The following STK3 variants were observed in gnomAD, a reference collection of about 807,000 sequenced individuals.
The protein encoded by STK3 is serine/threonine kinase 3.
Under a neutral mutation model 58.0 loss-of-function variants are expected in STK3, and 41 were observed. That is an observed-to-expected ratio of 0.71 (90% CI 0.55 to 0.92). The LOEUF is 0.92. STK3 is among the 40% of genes least tolerant of loss of function. STK3 has a pLI of 0.00. For missense variants in STK3, 479 were observed against 602.7 expected (o/e 0.79, Z 2.15); for synonymous variants, 170 against 191.0 (o/e 0.89, Z 0.91).
chr8:98,448,855 T>C (rs755721893), intron 1 of STK3, among the ~76,000 whole-genome samples: 1 of 152,200 alleles, frequency 6.6e-6, no homozygotes, highest in African/African-American at 2.4e-5. Context: ...TTTGCTCTCA[T>C]CTTTTTTTTC....
chr8:98,806,211 GAATA>G (rs1564019319), intron 1 of STK3, among the ~76,000 whole-genome samples: 1 of 151,676 alleles, frequency 6.6e-6, no homozygotes, highest in Non-Finnish European at 1.5e-5. Flanking sequence ...ATAAATAAAT[GAATA>G]AACAAATGAA....
In STK3 at chr8:98,805,579, A is replaced by T. The variant is rs534725969; in HGVS notation, c.26+19936T>A. Among the ~76,000 whole-genome samples the T allele has an allele frequency of 1.3e-4, 19 of 151,378 alleles. No homozygotes were observed. The South Asian group carries it at 2.9e-3, about 23-fold the overall frequency. ...ACAAGAGCAAAACTCCATCTCCAAA[A>T]AATAATAATAATAATAATAATAATA... is the stretch of plus-strand genomic sequence containing the variant. On this transcript the variant is annotated intron_variant, in intron 1 of 10. Coordinates refer to ENST00000419617, the MANE Select transcript of STK3 (RefSeq NM_006281.4).
At chr8:98,718,358 G>A (rs1827173931) in intron 4 of STK3, among the ~76,000 whole-genome samples, 1 of 152,156 alleles carries the variant, frequency 6.6e-6, no homozygotes, top group Admixed American at 6.5e-5. Flanking sequence ...TGAGAGACAG[G>A]CAAGGACCAG....
intron 6 of STK3, among the ~76,000 whole-genome samples, chr8:98,614,574 G>C (rs1336464920): frequency 6.6e-6 from 1 of 152,072 alleles, no homozygotes; most frequent in African/African-American, 2.4e-5. Flanking sequence ...GGGAGTGCCA[G>C]ACAGTGGGCG....
At chr8:98,413,841 G>A (rs1020107426) in intron 3 of STK3, 15 of 560,962 alleles carry the variant, frequency 2.7e-5, no homozygotes, top group Non-Finnish European at 4.0e-5. Context: ...AGATGGGGCC[G>A]CCCAAGCCAG....
chr8:98,864,427 G>A (rs1214288018), intron 3 of STK3, among the ~76,000 whole-genome samples: 1 of 152,138 alleles, frequency 6.6e-6, no homozygotes, highest in Non-Finnish European at 1.5e-5. Context: ...ACCAGGAACT[G>A]CTTGCTATCT....
At chr8:98,720,746 G>C (rs1005433544) in intron 4 of STK3, among the ~76,000 whole-genome samples, 2 of 111,806 alleles carry the variant, frequency 1.8e-5, no homozygotes, top group African/African-American at 7.2e-5. Context: ...GCGAGACTCC[G>C]TCTCAAAAAA....
intron 6 of STK3, among the ~76,000 whole-genome samples, chr8:98,694,658 T>C (rs551188733): frequency 6.6e-6 from 1 of 152,332 alleles, no homozygotes; most frequent in East Asian, 1.9e-4. Context: ...ACTTCATCCA[T>C]GTCCCTACAA....
At chr8:98,905,235 C>A in intron 1 of STK3, 1 of 854,626 alleles carries the variant, frequency 1.2e-6, no homozygotes. Context: ...TGGACAACTA[C>A]ACATGCATTA....
At chr8:98,503,377 A>G (rs1210425098) in intron 10 of STK3, among the ~76,000 whole-genome samples, 1 of 152,044 alleles carries the variant, frequency 6.6e-6, no homozygotes, top group Admixed American at 6.6e-5. Context: ...GATTTTTTGA[A>G]GGGTTTTTTG....
chr8:98,887,538 C>T (rs1254527581), intron 1 of STK3, among the ~76,000 whole-genome samples: 2 of 152,086 alleles, frequency 1.3e-5, no homozygotes, highest in East Asian at 3.8e-4. Flanking sequence ...TCTAGTAAAA[C>T]AACATTCAGC....
intron 3 of STK3, among the ~76,000 whole-genome samples, chr8:98,404,679 CAA>C (rs35146514): frequency 1.9e-4 from 18 of 95,278 alleles, no homozygotes; most frequent in African/African-American, 5.9e-4. Flanking sequence ...GTCTCTGTCT[CAA>C]AAAAAAAAAA....
chr8:98,733,511 G>A (rs554756327), intron 4 of STK3, among the ~76,000 whole-genome samples: 1 of 152,324 alleles, frequency 6.6e-6, no homozygotes, highest in African/African-American at 2.4e-5. Context: ...GATCTGAAGT[G>A]GAACAGTTTC....
At chr8:98,802,260 G>T (rs1833604556) in intron 1 of STK3, among the ~76,000 whole-genome samples, 1 of 152,144 alleles carries the variant, frequency 6.6e-6, no homozygotes, top group Non-Finnish European at 1.5e-5. Context: ...GGGAGGTGAA[G>T]ATTCTGTATA....
At chr8:98,728,618 A>AT (rs1453163711) in intron 4 of STK3, among the ~76,000 whole-genome samples, 1 of 152,212 alleles carries the variant, frequency 6.6e-6, no homozygotes, top group African/African-American at 2.4e-5. Context: ...ACATGAAAAG[A>AT]TTCCTGAAAA....
intron 10 of STK3, among the ~76,000 whole-genome samples, chr8:98,485,156 A>G (rs548175310): frequency 6.6e-6 from 1 of 152,116 alleles, no homozygotes; most frequent in East Asian, 1.9e-4. Context: ...CAGGAGAATC[A>G]CTTGAACCCA....
At chr8:98,513,529 A>G (rs1824689811) in intron 10 of STK3, among the ~76,000 whole-genome samples, 1 of 152,194 alleles carries the variant, frequency 6.6e-6, no homozygotes, top group Non-Finnish European at 1.5e-5. Flanking sequence ...GTGTTCATAG[A>G]TGACCTGGCA....
At chr8:98,718,125 G>C (rs1382455108) in intron 4 of STK3, among the ~76,000 whole-genome samples, 1 of 152,132 alleles carries the variant, frequency 6.6e-6, no homozygotes, top group Non-Finnish European at 1.5e-5. Flanking sequence ...TTAGGGGGAT[G>C]GATAATGGGG....
chr8:98,893,625 A>C (rs928961146), intron 1 of STK3, among the ~76,000 whole-genome samples: 1 of 151,966 alleles, frequency 6.6e-6, no homozygotes, highest in Non-Finnish European at 1.5e-5. Context: ...GGAAGGAAAA[A>C]GAACTTAAAA....
Sources: allele counts gnomAD v4.1 joint callset (sites outside exome capture counted in the v4.1 genomes callset), GRCh38; gene constraint gnomAD v4.1.1; transcripts MANE v1.5; gene names NCBI Gene and HGNC (gene_info 2026-07-23, HGNC 2026-07-21).